SCML4: variants seen among roughly 807,000 people sequenced by gnomAD.
SCML4 encodes the protein sex comb on midleg-like protein 4.
SCML4 carries 34 observed loss-of-function variants against 41.1 expected under a neutral mutation model. The observed-to-expected ratio is 0.83, with a 90% CI of 0.63 to 1.10. SCML4 has a LOEUF of 1.10. Ranked by LOEUF, SCML4 falls within the 50% of genes least tolerant of loss-of-function variation. The pLI, the probability that SCML4 is intolerant of heterozygous loss-of-function variation, is 0.00. For synonymous variants in SCML4, 214 were observed against 220.9 expected (o/e 0.97, Z 0.28); for missense variants, 522 against 534.1 (o/e 0.98, Z 0.22).
rs200747239 is a variant in SCML4 at position 107,753,649 on chromosome 6, TA to T, written c.157-3837del. ...ATTTTGTGTGTTTTTTAGCAAAATT[TA>T]AAAAATTAATTTTAAGGATTCTTTG... On this transcript the variant is annotated intron_variant, in intron 2 of 7. Transcript: ENST00000369020. 4.3e-3 allele frequency among the ~76,000 whole-genome samples: 654 copies of T among 152,362 alleles called. 10 individuals carry two copies. In the East Asian group the frequency reaches 0.064, roughly 15 times the overall value.
At chr6:107,730,883 G>GC (rs1377713166) in intron 5 of SCML4, among the ~76,000 whole-genome samples, 1 of 152,226 alleles carries the variant, frequency 6.6e-6, no homozygotes, top group Non-Finnish European at 1.5e-5. Flanking sequence ...CTGTGCCTAA[G>GC]CCTTCCGGTT....
chr6:107,763,680 C>T (rs913385125), intron 2 of SCML4, among the ~76,000 whole-genome samples: 1 of 152,180 alleles, frequency 6.6e-6, no homozygotes, highest in Non-Finnish European at 1.5e-5. Flanking sequence ...AGCCACTGCG[C>T]CTGGCCGGGA....
intron 5 of SCML4, among the ~76,000 whole-genome samples, chr6:107,729,855 A>G (rs1776366270): frequency 6.6e-6 from 1 of 152,222 alleles, no homozygotes; most frequent in African/African-American, 2.4e-5. Flanking sequence ...AAAAGAAACT[A>G]TGGTAGATAA....
intron 1 of SCML4, among the ~76,000 whole-genome samples, chr6:107,821,950 C>G (rs1303330888): frequency 2.0e-5 from 3 of 152,204 alleles, no homozygotes; most frequent in Non-Finnish European, 2.9e-5. Flanking sequence ...CTACGAAGCA[C>G]TCTAACATTT....
Position 107,749,723 on chromosome 6 carries a change from C to G in SCML4, c.247G>C (p.Ala83Pro). ...GGGGCCGCCAAGCTGGGGACCGTGG[C>G]TGCGTCCTGAGGGATGGAGCTGAGG... The part of the protein sequence containing the change: ...PDLSSIPQDA[A>P]TVPSLAAPQA... The change falls in exon 3 of 8, where the codon GCC becomes CCC. Residue 83 changes from alanine to proline, a missense_variant. By Grantham distance (27) the Ala-to-Pro change is conservative. Coordinates refer to ENST00000369020, the MANE Select transcript of SCML4 (RefSeq NM_198081.5). The G allele has an allele frequency of 1.2e-6, 2 of 1,614,030 alleles. No individual in the cohort carries two copies. Among genetic ancestry groups the G allele is most frequent in the Non-Finnish European group, 1.7e-6 (2 of 1,180,012 alleles).
chr6:107,744,855 C>G (rs547328477), intron 5 of SCML4, 94 bp downstream of exon 5: 284 of 1,064,324 alleles, frequency 2.7e-4, no homozygotes, highest in Non-Finnish European at 3.7e-4. Flanking sequence ...GCAGAACTGC[C>G]AGGAGCTACA....
the SCML4 span, among the ~76,000 whole-genome samples, chr6:107,830,953 T>C: frequency 6.6e-6 from 1 of 152,138 alleles, no homozygotes; most frequent in Non-Finnish European, 1.5e-5. Context: ...ACAAACCCAG[T>C]GTACCCTCAG....
intron 6 of SCML4, among the ~76,000 whole-genome samples, chr6:107,712,319 G>A (rs1019016628): frequency 6.6e-6 from 1 of 152,176 alleles, no homozygotes; most frequent in Non-Finnish European, 1.5e-5. Flanking sequence ...ACAGGAAGGG[G>A]GGAAAACCCA....
chr6:107,709,635 T>A (rs1728119), intron 6 of SCML4, among the ~76,000 whole-genome samples: 2,946 of 152,334 alleles, frequency 0.019, 84 homozygotes, highest in African/African-American at 0.067. Context: ...TTCCACCTGA[T>A]GCCTTCGTGA....
upstream of SCML4, among the ~76,000 whole-genome samples, chr6:107,824,626 G>A (rs1158104548): frequency 6.6e-6 from 1 of 151,982 alleles, no homozygotes; most frequent in Non-Finnish European, 1.5e-5. Context: ...TTACATCCTT[G>A]TAATAACCTG....
chr6:107,754,031 G>T (rs1778906250), intron 2 of SCML4, among the ~76,000 whole-genome samples: 1 of 152,170 alleles, frequency 6.6e-6, no homozygotes, highest in African/African-American at 2.4e-5. Flanking sequence ...TCATGAACTG[G>T]GAGAGTAGGA....
chr6:107,728,461 T>A (rs1776213183), intron 5 of SCML4, among the ~76,000 whole-genome samples: 3 of 151,926 alleles, frequency 2.0e-5, no homozygotes, highest in Non-Finnish European at 4.4e-5. Flanking sequence ...AATACAAAAT[T>A]AGCCAAGCGT....
chr6:107,752,624 T>G (rs1158161760), intron 2 of SCML4, among the ~76,000 whole-genome samples: 1 of 152,064 alleles, frequency 6.6e-6, no homozygotes, highest in Non-Finnish European at 1.5e-5. Context: ...AAAGGTTCTT[T>G]CAAGGAGGAG....
chr6:107,744,201 T>C (rs1462741836), intron 5 of SCML4: 3 of 152,214 alleles, frequency 2.0e-5, no homozygotes, highest in Non-Finnish European at 4.4e-5. Flanking sequence ...TCTTTGCAGA[T>C]CTATAACTCA....
At chr6:107,722,934 T>C (rs1775577133) in intron 5 of SCML4, among the ~76,000 whole-genome samples, 1 of 152,058 alleles carries the variant, frequency 6.6e-6, no homozygotes, top group South Asian at 2.1e-4. Context: ...CAAAAATTAA[T>C]TCAATAGAGA....
At chr6:107,748,204 G>A (rs1778304587) in intron 3 of SCML4, among the ~76,000 whole-genome samples, 1 of 152,116 alleles carries the variant, frequency 6.6e-6, no homozygotes, top group Admixed American at 6.5e-5. Context: ...AGGAATAGTA[G>A]GTGTTATATT....
chr6:107,708,692 C>A (rs147507929), intron 6 of SCML4, among the ~76,000 whole-genome samples: 2 of 152,248 alleles, frequency 1.3e-5, no homozygotes, highest in South Asian at 2.1e-4. Context: ...GGGTCTCCCC[C>A]ACTGCACTGT....
chr6:107,757,911 G>A (rs1779242840), intron 2 of SCML4, among the ~76,000 whole-genome samples: 1 of 152,092 alleles, frequency 6.6e-6, no homozygotes, highest in Admixed American at 6.5e-5. Context: ...AGAAATCTCT[G>A]CAAATCGACC....
intron 5 of SCML4, among the ~76,000 whole-genome samples, chr6:107,740,640 T>C (rs1777510448): frequency 6.6e-6 from 1 of 152,058 alleles, no homozygotes; most frequent in African/African-American, 2.4e-5. Flanking sequence ...AGTCTGGAGG[T>C]GCGAGAGGGC....
Sources: gnomAD v4.1 joint callset for allele counts (sites outside exome capture counted in the v4.1 genomes callset) on GRCh38, gnomAD v4.1.1 for gene constraint, MANE v1.5 for transcripts, NCBI Gene and HGNC (gene_info 2026-07-23, HGNC 2026-07-21) for gene names.